Variants in IBTK observed in about 807,000 individuals in gnomAD.
The protein encoded by IBTK is inhibitor of Bruton tyrosine kinase.
IBTK carries 83 observed loss-of-function variants against 154.9 expected under a neutral mutation model. That is an observed-to-expected ratio of 0.54 (90% CI 0.45 to 0.64). The LOEUF is 0.64. Ranked by LOEUF, IBTK falls within the 30% of genes least tolerant of loss-of-function variation. The pLI, the probability that IBTK is intolerant of heterozygous loss-of-function variation, is 0.00. For synonymous variants in IBTK, 515 were observed against 536.1 expected (o/e 0.96, Z 0.54); for missense variants, 1,332 against 1,584.6 (o/e 0.84, Z 2.71).
In IBTK at chr6:82,214,487, T is replaced by G; in HGVS notation, c.1944A>C (p.Lys648Asn). ...DTCDFLTHGF[K>N]PRIHLNKNPE... ...GGTTTTTGTTTAAGTGTATTCTTGGTTTGAAGCCATGAGTTAAAAAGTCAC... is the reference window on the plus strand; with the variant it reads ...GGTTTTTGTTTAAGTGTATTCTTGGGTTGAAGCCATGAGTTAAAAAGTCAC... Residue 648 changes from lysine (K) to asparagine (N), a missense_variant, in exon 12 of 29, where the codon AAA becomes AAC. Physicochemically the swap from Lys to Asn is moderately conservative, Grantham distance 94. This residue lies in a region of IBTK where 1,134 missense variants were observed against 1,274.7 expected (regional missense o/e 0.89). Coordinates refer to ENST00000306270, the MANE Select transcript of IBTK (RefSeq NM_015525.4). The G allele has an allele frequency of 6.2e-7, 1 of 1,614,088 alleles. No homozygotes were observed. Among genetic ancestry groups the G allele is most frequent in the Non-Finnish European group, 8.5e-7 (1 of 1,180,016 alleles).
In IBTK at chr6:82,223,621, C is replaced by G. The variant is rs1770180085; in HGVS notation, c.944-1G>C. The G allele has an allele frequency of 6.2e-7, 1 of 1,610,266 alleles. No individual in the cohort carries two copies. The highest frequency in any genetic ancestry group is 8.5e-7 in the Non-Finnish European group (1 of 1,177,904). On this transcript the variant is annotated splice_acceptor_variant, in intron 7 of 28. Transcript: ENST00000306270. LOFTEE classifies it high-confidence loss of function. ...TCTCCATTGGGATCTAGCAAACAAC[C>G]TAAAAAATGATACAAATAAGCAAAT...
intron 1 of IBTK, among the ~76,000 whole-genome samples, chr6:82,241,814 T>C (rs1006749895): frequency 1.3e-5 from 2 of 152,128 alleles, no homozygotes; most frequent in African/African-American, 4.8e-5. Context: ...GCAGAGAAAA[T>C]TGGCTATAAG....
rs1349420263 is a variant in IBTK, at chr6:82,222,477, C to G, written c.1124+963G>C. On this transcript the variant is annotated intron_variant, in intron 8 of 28. Transcript: ENST00000306270. ...ATGTATATATTTATAATGAATTTAT[C>G]ACAGTAAAATACTATATAAATGGTA... Among the ~76,000 whole-genome samples, 3 of 151,880 alleles carry G rather than the reference C, an allele frequency of 2.0e-5. No homozygotes were observed. In the East Asian group the frequency reaches 5.8e-4, roughly 29 times the overall value.
chr6:82,205,522 C>T (rs1404244986), intron 16 of IBTK: 2 of 152,370 alleles, frequency 1.3e-5, no homozygotes, highest in African/African-American at 4.8e-5. Flanking sequence ...AATCCCAGCA[C>T]TATGGGAGGT....
intron 4 of IBTK, among the ~76,000 whole-genome samples, chr6:82,227,758 G>C (rs185104928): frequency 2.2e-4 from 34 of 151,998 alleles, no homozygotes; most frequent in African/African-American, 6.7e-4. Context: ...AAACAATAAA[G>C]CCATTTATAC....
At chr6:82,234,947 G>A (rs1013598702) in intron 2 of IBTK, among the ~76,000 whole-genome samples, 1 of 151,696 alleles carries the variant, frequency 6.6e-6, no homozygotes, top group Admixed American at 6.6e-5. Context: ...AGTAACCTCC[G>A]CCTCCCAGGT....
chr6:82,215,780 C>CA (rs59634766), intron 11 of IBTK, among the ~76,000 whole-genome samples: 40,793 of 81,718 alleles, frequency 0.5, 8,905 homozygotes, highest in East Asian at 0.7. Flanking sequence ...GACTCCATCT[C>CA]AAAAAAAAAA....
chr6:82,240,891 G>T (rs530313350), intron 1 of IBTK, 48 bp from the exon 2 acceptor site: 2 of 404,670 alleles, frequency 4.9e-6, no homozygotes, highest in Non-Finnish European at 8.7e-6. Flanking sequence ...TCTGTCTCTC[G>T]CTCTCCTTGA....
intron 1 of IBTK, among the ~76,000 whole-genome samples, chr6:82,243,361 T>C (rs1029717031): frequency 1.3e-5 from 2 of 152,228 alleles, no homozygotes; most frequent in African/African-American, 2.4e-5. Flanking sequence ...TTGCTTTCTA[T>C]GGTTTCTATT....
chr6:82,214,384 A>G lies in IBTK; in HGVS notation c.2047T>C (p.Phe683Leu). The change falls in exon 12 of 29, where the codon TTT becomes CTT. Residue 683 changes from phenylalanine to leucine, a missense_variant. By Grantham distance (22) the Phe-to-Leu change is conservative. Transcript: ENST00000306270. The stretch of plus-strand genomic sequence containing the variant: ...GCTTGATTACTTTTGTAAACTTCAA[A>G]TGCAGACTTCTGGTTATCATCTTCA... ...FHEDDNQKSA[F>L]EVYKSNQAQT... 1 of 1,614,090 alleles carries G rather than the reference A, an allele frequency of 6.2e-7. No individual in the cohort carries two copies. Among genetic ancestry groups the G allele is most frequent in the African/African-American group, 1.3e-5 (1 of 75,054 alleles).
At position 82,225,651 on chromosome 6, in the gene IBTK, C is replaced by T. The variant is rs1461611486; in HGVS notation, c.655-4G>A. 3.1e-6 allele frequency: 5 copies of T among 1,600,406 alleles called. No homozygotes were observed. Among genetic ancestry groups the T allele is most frequent in the East Asian group, 2.2e-5 (1 of 44,484 alleles). On this transcript the variant is annotated splice_region_variant and splice_polypyrimidine_tract_variant and intron_variant, in intron 5 of 28. Coordinates refer to ENST00000306270, the MANE Select transcript of IBTK (RefSeq NM_015525.4). The stretch of plus-strand genomic sequence containing the variant: ...GTCCTTCCACAAGCCGAGGGACCTA[C>T]AAAATAAAATTAACTTTAGTATACT...
At chr6:82,202,752 GA>G (rs887791516) in intron 17 of IBTK, 107 bp from the exon 18 acceptor site, 13 of 634,772 alleles carry the variant, frequency 2.0e-5, no homozygotes, top group East Asian at 1.5e-4. Context: ...TTGGAATAAA[GA>G]AAAAAAAGTT....
chr6:82,216,795 C>A (rs542258459), intron 10 of IBTK, among the ~76,000 whole-genome samples: 1 of 152,072 alleles, frequency 6.6e-6, no homozygotes, highest in South Asian at 2.1e-4. Context: ...CTGCTCTCCT[C>A]GAGTACACAA....
intron 25 of IBTK, among the ~76,000 whole-genome samples, chr6:82,188,833 C>G (rs924581394): frequency 6.6e-6 from 1 of 152,006 alleles, no homozygotes; most frequent in Non-Finnish European, 1.5e-5. Context: ...AGTTCGAGAC[C>G]AGCCTTGCCA....
chr6:82,200,712 C>A lies in IBTK; in HGVS notation c.2791-4G>T. ...CTCTTCTATCCATTGCTGGAATCTG[C>A]AGAATTGAAGATATCACTTTTCAAA... On this transcript the variant is annotated splice_polypyrimidine_tract_variant and splice_region_variant and intron_variant, in intron 19 of 28. Transcript: ENST00000306270. The A allele has an allele frequency of 6.8e-7, 1 of 1,471,690 alleles. No homozygotes were observed. Among genetic ancestry groups the A allele is most frequent in the East Asian group, 2.5e-5 (1 of 40,264 alleles). 91.2% of individuals were successfully genotyped at this position (1,471,690 alleles called of 1,614,324 possible). A position where few individuals can be genotyped will look rare whatever the true frequency, so the allele number is the denominator to read the frequency against.
intron 23 of IBTK, among the ~76,000 whole-genome samples, chr6:82,192,921 AC>A (rs974570287): frequency 2.6e-5 from 4 of 151,434 alleles, no homozygotes; most frequent in African/African-American, 7.3e-5. Flanking sequence ...AACATGGTGA[AC>A]CCTCATCTCT....
At chr6:82,215,556 G>A (rs1769835889) in intron 11 of IBTK, among the ~76,000 whole-genome samples, 1 of 152,074 alleles carries the variant, frequency 6.6e-6, no homozygotes, top group Non-Finnish European at 1.5e-5. Flanking sequence ...GGAGGCCGAG[G>A]CTGGCGGATC....
At chr6:82,242,369 CA>C (rs58265425) in intron 1 of IBTK, among the ~76,000 whole-genome samples, 26,331 of 134,604 alleles carry the variant, frequency 0.2, 2,237 homozygotes, top group African/African-American at 0.2. Flanking sequence ...AACTCTGTAT[CA>C]AAAAAAAAAA....
Position 82,180,692 on chromosome 6 carries a change from C to A in IBTK, c.3725+1187G>T, listed in dbSNP as rs1363474609. 2.0e-5 allele frequency among the ~76,000 whole-genome samples: 3 copies of A among 152,250 alleles called. No individual in the cohort carries two copies. In the East Asian group the frequency reaches 5.8e-4, roughly 29 times the overall value. On this transcript the variant is annotated intron_variant, in intron 26 of 28. Transcript: ENST00000306270. The stretch of plus-strand genomic sequence containing the variant: ...GAACTTTCCGCCTAAATCTAAGTAT[C>A]TGTAAAAAAGAAGACAGTCACAATA...
Sources: gnomAD v4.1 joint callset for allele counts (sites outside exome capture counted in the v4.1 genomes callset) on GRCh38, gnomAD v4.1.1 for gene constraint, gnomAD v4.1.1 regional missense constraint, MANE v1.5 for transcripts, NCBI Gene and HGNC (gene_info 2026-07-23, HGNC 2026-07-21) for gene names.